PTPRD: variants seen among roughly 807,000 people sequenced by gnomAD.
PTPRD encodes receptor-type tyrosine-protein phosphatase delta.
In PTPRD, 34 loss-of-function variants were observed where a neutral mutation model predicts 214.5. The observed-to-expected ratio is 0.16, with a 90% CI of 0.12 to 0.21. The LOEUF (loss-of-function observed/expected upper bound fraction) is 0.21, where lower values mean the gene tolerates loss of function less well. PTPRD is among the 10% of genes least tolerant of loss of function. The pLI, the probability that PTPRD is intolerant of heterozygous loss-of-function variation, is 1.00. For missense variants in PTPRD, 2,545 were observed against 2,398.7 expected, an observed-to-expected ratio of 1.06 and a Z score of -1.27; for synonymous variants, 1,128 against 845.7, an observed-to-expected ratio of 1.33 and a Z score of -5.79.
intron 10 of PTPRD, among the ~76,000 whole-genome samples, chr9:9,144,094 T>C (rs893234368): frequency 6.6e-6 from 1 of 152,208 alleles, no homozygotes; most frequent in African/African-American, 2.4e-5. Context: ...GTATTTCCCT[T>C]CTTTCATTAC....
chr9:9,923,111 GT>G (rs2083072518), intron 5 of PTPRD, among the ~76,000 whole-genome samples: 1 of 107,518 alleles, frequency 9.3e-6, no homozygotes. Context: ...AAAAAGGACT[GT>G]GTGTGTGGGG....
At chr9:9,511,234 A>C (rs1408970405) in intron 8 of PTPRD, among the ~76,000 whole-genome samples, 2 of 151,780 alleles carry the variant, frequency 1.3e-5, no homozygotes, top group African/African-American at 4.8e-5. Context: ...TTTTATAAAT[A>C]CCCTCATCCT....
chr9:8,934,993 C>A (rs1277637222), intron 11 of PTPRD, among the ~76,000 whole-genome samples: 2 of 151,962 alleles, frequency 1.3e-5, no homozygotes, highest in African/African-American at 4.8e-5. Flanking sequence ...ATACATATGT[C>A]TTTCTGTGTA....
At chr9:10,522,474 T>C (rs2134239284) in intron 2 of PTPRD, among the ~76,000 whole-genome samples, 1 of 152,278 alleles carries the variant, frequency 6.6e-6, no homozygotes, top group African/African-American at 2.4e-5. Flanking sequence ...TTCCAAAAGC[T>C]TGAACTTTCT....
At chr9:9,610,592 T>C (rs2094463364) in intron 7 of PTPRD, among the ~76,000 whole-genome samples, 2 of 152,174 alleles carry the variant, frequency 1.3e-5, no homozygotes, top group South Asian at 4.1e-4. Context: ...AAATATTATT[T>C]TACAAATATT....
intron 39 of PTPRD, 90 bp downstream of exon 39, chr9:8,375,846 A>G (rs1173110125): frequency 1.4e-6 from 2 of 1,435,694 alleles, no homozygotes; most frequent in East Asian, 2.3e-5. Flanking sequence ...GACATTTACT[A>G]TTCCAGAATG....
intron 7 of PTPRD, among the ~76,000 whole-genome samples, chr9:9,644,224 G>T (rs2096068277): frequency 6.6e-6 from 1 of 152,108 alleles, no homozygotes; most frequent in South Asian, 2.1e-4. Flanking sequence ...TTGACATTTT[G>T]CTTTTCCCTT....
intron 5 of PTPRD, among the ~76,000 whole-genome samples, chr9:9,878,946 T>G (rs1471549455): frequency 6.6e-6 from 1 of 152,148 alleles, no homozygotes; most frequent in Non-Finnish European, 1.5e-5. Flanking sequence ...CCAGTCACAT[T>G]ATAGGTTTTG....
intron 43 of PTPRD, among the ~76,000 whole-genome samples, chr9:8,337,562 C>T (rs1350750169): frequency 1.3e-5 from 2 of 151,992 alleles, no homozygotes; most frequent in Admixed American, 1.3e-4. Context: ...ATGTAACAAA[C>T]CTGCATGTTC....
intron 5 of PTPRD, among the ~76,000 whole-genome samples, chr9:9,900,007 C>T (rs1453525178): frequency 6.6e-6 from 1 of 151,962 alleles, no homozygotes; most frequent in South Asian, 2.1e-4. Context: ...ATAATAGTTA[C>T]CAGAGGCTGG....
At chr9:10,493,895 A>C (rs1277414314) in intron 2 of PTPRD, among the ~76,000 whole-genome samples, 1 of 152,010 alleles carries the variant, frequency 6.6e-6, no homozygotes, top group Non-Finnish European at 1.5e-5. Flanking sequence ...TTTAAGTTAC[A>C]TGAACTAATA....
intron 7 of PTPRD, among the ~76,000 whole-genome samples, chr9:9,657,935 A>C (rs2096552645): frequency 6.6e-6 from 1 of 152,196 alleles, no homozygotes; most frequent in Non-Finnish European, 1.5e-5. Context: ...AATGGCCCTT[A>C]CATATTTAAT....
At chr9:8,768,913 G>A (rs907184997) in intron 11 of PTPRD, among the ~76,000 whole-genome samples, 18 of 152,134 alleles carry the variant, frequency 1.2e-4, no homozygotes, top group African/African-American at 4.3e-4. Context: ...CTTACTAAGG[G>A]TAGTCTAATG....
chr9:9,231,126 G>A (rs2099962836), intron 9 of PTPRD, among the ~76,000 whole-genome samples: 1 of 151,976 alleles, frequency 6.6e-6, no homozygotes, highest in Admixed American at 6.6e-5. Flanking sequence ...TGTTGTTTTG[G>A]TAACAGGCTT....
chr9:9,606,881 G>A (rs547414465), intron 7 of PTPRD, among the ~76,000 whole-genome samples: 39 of 137,068 alleles, frequency 2.8e-4, no homozygotes, highest in African/African-American at 4.3e-4. Context: ...CTATACTTTC[G>A]AGAATAGGTT....
At chr9:9,233,080 C>G (rs1594160861) in intron 9 of PTPRD, among the ~76,000 whole-genome samples, 5 of 152,152 alleles carry the variant, frequency 3.3e-5, no homozygotes, top group Admixed American at 3.3e-4. Context: ...TGCACAGAGG[C>G]TGTATTAGTT....
intron 2 of PTPRD, among the ~76,000 whole-genome samples, chr9:10,360,573 G>A (rs1377891559): frequency 6.6e-6 from 1 of 152,180 alleles, no homozygotes; most frequent in Non-Finnish European, 1.5e-5. Flanking sequence ...GACATGGCAT[G>A]CACCAGCTTT....
At chr9:8,726,598 T>A (rs1226187880) in intron 12 of PTPRD, among the ~76,000 whole-genome samples, 697 of 1,770 alleles carry the variant, frequency 0.39, 211 homozygotes, top group African/African-American at 0.66. Flanking sequence ...AATATATATA[T>A]ATATATATAT....
At chr9:9,947,471 T>TTTTA (rs1566620104) in intron 4 of PTPRD, among the ~76,000 whole-genome samples, 1 of 23,986 alleles carries the variant, frequency 4.2e-5, no homozygotes, top group Non-Finnish European at 6.2e-5. Flanking sequence ...ATACTATATA[T>TTTTA]TATATATATT....
Sources: allele counts gnomAD v4.1 joint callset (sites outside exome capture counted in the v4.1 genomes callset), GRCh38; gene constraint gnomAD v4.1.1; transcripts MANE v1.5; gene names NCBI Gene and HGNC (gene_info 2026-07-23, HGNC 2026-07-21).